The following PALS2 variants were observed in gnomAD, a reference collection of about 807,000 sequenced individuals.
PALS2 encodes protein PALS2.
Under a neutral mutation model 61.6 loss-of-function variants are expected in PALS2, and 27 were observed. The ratio of observed to expected loss-of-function variants is 0.44; its 90% CI spans 0.32 to 0.60. PALS2 has a LOEUF of 0.60. Ranked by LOEUF, PALS2 falls within the 20% of genes least tolerant of loss-of-function variation. PALS2 has a pLI of 0.05. For synonymous variants in PALS2, 236 were observed against 218.6 expected (o/e 1.08, Z -0.70); for missense variants, 554 against 639.4 (o/e 0.87, Z 1.44).
intron 1 of PALS2, among the ~76,000 whole-genome samples, chr7:24,613,542 C>G (rs1313221837): frequency 1.3e-5 from 2 of 151,746 alleles, no homozygotes; most frequent in Non-Finnish European, 3.0e-5. Context: ...GTGATCAGAT[C>G]AGGATAATTA....
chr7:24,613,355 AAAAT>A (rs1348963539), intron 1 of PALS2, among the ~76,000 whole-genome samples: 1 of 151,812 alleles, frequency 6.6e-6, no homozygotes, highest in Admixed American at 6.6e-5. Context: ...CTAGATTTTT[AAAAT>A]AAAGTTGTTC....
intron 1 of PALS2, among the ~76,000 whole-genome samples, chr7:24,588,036 A>G (rs1265046429): frequency 1.3e-5 from 2 of 152,148 alleles, no homozygotes; most frequent in Non-Finnish European, 2.9e-5. Flanking sequence ...GTGGGGTGCT[A>G]CTGACATCTA....
At chr7:24,600,227 A>C (rs948316706) in intron 1 of PALS2, among the ~76,000 whole-genome samples, 1 of 152,116 alleles carries the variant, frequency 6.6e-6, no homozygotes, top group Non-Finnish European at 1.5e-5. Flanking sequence ...GTCTGCAAAA[A>C]CTTCTGCTAA....
At chr7:24,654,028 AT>A (rs1331608984) in intron 5 of PALS2, among the ~76,000 whole-genome samples, 1 of 152,210 alleles carries the variant, frequency 6.6e-6, no homozygotes. Context: ...CTTCTAAAAA[AT>A]AATACAATTT....
At chr7:24,628,297 C>A (rs1302770063) in intron 2 of PALS2, among the ~76,000 whole-genome samples, 1 of 152,080 alleles carries the variant, frequency 6.6e-6, no homozygotes, top group African/African-American at 2.4e-5. Flanking sequence ...GCAGAAAAGG[C>A]CTTTGACAAA....
chr7:24,597,526 G>A (rs775015326), intron 1 of PALS2, among the ~76,000 whole-genome samples: 1 of 152,054 alleles, frequency 6.6e-6, no homozygotes, highest in African/African-American at 2.4e-5. Context: ...TTCCATATAG[G>A]GATTTTTAAA....
chr7:24,663,848 T>G, intron 6 of PALS2, 127 bp downstream of exon 6: 1 of 1,167,566 alleles, frequency 8.6e-7, no homozygotes. Flanking sequence ...GAACAGCTCC[T>G]GCTTCGTGGC....
At chr7:24,611,738 G>C (rs1784119666) in intron 1 of PALS2, among the ~76,000 whole-genome samples, 1 of 151,960 alleles carries the variant, frequency 6.6e-6, no homozygotes, top group Admixed American at 6.6e-5. Flanking sequence ...GTGTGAATTA[G>C]GTATGCAAAG....
chr7:24,598,848 A>G (rs1229379998), intron 1 of PALS2, among the ~76,000 whole-genome samples: 1 of 152,148 alleles, frequency 6.6e-6, no homozygotes, highest in East Asian at 1.9e-4. Context: ...TGACTGGGAG[A>G]CATTATGCCT....
intron 11 of PALS2, among the ~76,000 whole-genome samples, chr7:24,684,344 C>T (rs943474308): frequency 2.0e-5 from 3 of 152,166 alleles, no homozygotes; most frequent in Non-Finnish European, 2.9e-5. Context: ...ACTTGAAGTA[C>T]CTCCTTTCTG....
At chr7:24,577,719 T>C (rs2128038005) in intron 1 of PALS2, among the ~76,000 whole-genome samples, 1 of 152,288 alleles carries the variant, frequency 6.6e-6, no homozygotes, top group South Asian at 2.1e-4. Context: ...CTACTTTTCA[T>C]CATTTCATGT....
intron 1 of PALS2, among the ~76,000 whole-genome samples, chr7:24,583,514 C>T (rs1387882338): frequency 1.3e-5 from 2 of 152,002 alleles, no homozygotes; most frequent in Non-Finnish European, 2.9e-5. Context: ...TTCCATTCAC[C>T]ATTACTTTCT....
intron 9 of PALS2, among the ~76,000 whole-genome samples, chr7:24,674,092 A>G (rs1483249619): frequency 1.3e-5 from 2 of 152,126 alleles, no homozygotes; most frequent in Non-Finnish European, 2.9e-5. Flanking sequence ...GCAACTATGC[A>G]ACACAGACCA....
chr7:24,619,717 CAAAAA>C (rs11366774), intron 1 of PALS2, among the ~76,000 whole-genome samples: 1 of 101,960 alleles, frequency 9.8e-6, no homozygotes, highest in South Asian at 3.1e-4. Flanking sequence ...GACTCTGTCT[CAAAAA>C]AAAAAAAAAA....
chr7:24,651,339 T>G (rs1379316799), intron 5 of PALS2, among the ~76,000 whole-genome samples: 3 of 152,190 alleles, frequency 2.0e-5, no homozygotes, highest in Non-Finnish European at 4.4e-5. Context: ...AGGTGATTTG[T>G]GAACAACAGC....
chr7:24,610,869 A>G (rs968184345), intron 1 of PALS2, among the ~76,000 whole-genome samples: 1 of 152,130 alleles, frequency 6.6e-6, no homozygotes, highest in African/African-American at 2.4e-5. Flanking sequence ...CATTTCATGG[A>G]TACTGTAAGT....
At chr7:24,659,733 C>T (rs1786617617) in intron 5 of PALS2, among the ~76,000 whole-genome samples, 1 of 152,172 alleles carries the variant, frequency 6.6e-6, no homozygotes, top group African/African-American at 2.4e-5. Context: ...ATATAGTTCC[C>T]TGTAATGCTT....
In PALS2 at chr7:24,691,444, T is replaced by TATATATAC. The variant is rs1554319006; in HGVS notation, c.*3831_*3832insTATATACA. 9.7e-5 allele frequency: 13 copies of TATATATAC among 134,350 alleles called. No homozygotes were observed. The highest frequency in any genetic ancestry group is 6.2e-4 in the East Asian group (3 of 4,868). 8.3% of individuals were successfully genotyped at this position (134,350 alleles called of 1,614,324 possible). On this transcript the variant is annotated 3_prime_UTR_variant, in exon 12 of 12. Transcript: ENST00000222644. ...ATATATATATATATATATATATATA[T>TATATATAC]ACAGCTATGTGTATAATATGTAAAA... is the stretch of plus-strand genomic sequence containing the variant.
chr7:24,669,949 G>T (rs980848596), intron 9 of PALS2, among the ~76,000 whole-genome samples: 1 of 152,114 alleles, frequency 6.6e-6, no homozygotes, highest in Non-Finnish European at 1.5e-5. Context: ...AATATTTTTA[G>T]CAAGTAGTTC....
Sources: allele counts gnomAD v4.1 joint callset (sites outside exome capture counted in the v4.1 genomes callset), GRCh38; gene constraint gnomAD v4.1.1; transcripts MANE v1.5; gene names NCBI Gene and HGNC (gene_info 2026-07-23, HGNC 2026-07-21).